ZCWPW2: variants seen among roughly 807,000 people sequenced by gnomAD.
ZCWPW2 encodes the protein zinc finger CW-type PWWP domain protein 2.
In ZCWPW2, 45 loss-of-function variants were observed where a neutral mutation model predicts 46.6. The observed-to-expected ratio is 0.96, with a 90% CI of 0.76 to 1.24. The LOEUF (loss-of-function observed/expected upper bound fraction) is 1.24. Among genes scored for constraint, ZCWPW2 ranks in the 50% most tolerant of loss-of-function variants. The pLI is 0.00. For missense variants in ZCWPW2, 429 were observed against 403.9 expected, an observed-to-expected ratio of 1.06 and a Z score of -0.53; for synonymous variants, 152 against 137.1, an observed-to-expected ratio of 1.11 and a Z score of -0.76.
chr3:28,461,542 C>T (rs888486895), intron 4 of ZCWPW2: 2 of 152,034 alleles, frequency 1.3e-5, no homozygotes, highest in Non-Finnish European at 2.9e-5. Context: ...AGAGGCTAAT[C>T]ACATAATTCA....
chr3:28,444,148 C>A (rs1221491171), intron 4 of ZCWPW2, among the ~76,000 whole-genome samples: 1 of 152,158 alleles, frequency 6.6e-6, no homozygotes, highest in Non-Finnish European at 1.5e-5. Flanking sequence ...TTATCCCACA[C>A]CCTTAATATT....
At chr3:28,391,467 A>T (rs1695488225) in intron 2 of ZCWPW2, among the ~76,000 whole-genome samples, 1 of 152,110 alleles carries the variant, frequency 6.6e-6, no homozygotes, top group African/African-American at 2.4e-5. Context: ...AATTAACAAC[A>T]TCCAGCAATG....
chr3:28,428,612 C>A (rs370612323), intron 3 of ZCWPW2, among the ~76,000 whole-genome samples: 5 of 152,248 alleles, frequency 3.3e-5, no homozygotes, highest in African/African-American at 9.6e-5. Context: ...AGTAATGACA[C>A]AATTTGGCTC....
At chr3:28,357,797 T>TTATATATATATATATA (rs3068920) in intron 1 of ZCWPW2, among the ~76,000 whole-genome samples, 86 of 140,394 alleles carry the variant, frequency 6.1e-4, no homozygotes, top group African/African-American at 1.9e-3. Context: ...TTGGTATATT[T>TTATATATATATATATA]TATATATATA....
At chr3:28,460,984 C>A (rs1372403764) in intron 4 of ZCWPW2, 2 of 270,790 alleles carry the variant, frequency 7.4e-6, no homozygotes, top group African/African-American at 4.4e-5. Flanking sequence ...AGATCTATGA[C>A]TTATATCCAC....
intron 6 of ZCWPW2, among the ~76,000 whole-genome samples, chr3:28,505,387 G>A (rs1700249016): frequency 6.6e-6 from 1 of 152,120 alleles, no homozygotes; most frequent in Non-Finnish European, 1.5e-5. Flanking sequence ...GGAGCATGTA[G>A]CAATTGATGA....
chr3:28,386,927 A>T (rs1242075553), intron 1 of ZCWPW2, among the ~76,000 whole-genome samples: 1 of 152,142 alleles, frequency 6.6e-6, no homozygotes, highest in East Asian at 1.9e-4. Flanking sequence ...GAGAAGGAGA[A>T]TTGGTGGGGC....
chr3:28,456,945 A>G (rs1277423106), intron 4 of ZCWPW2, among the ~76,000 whole-genome samples: 1 of 151,954 alleles, frequency 6.6e-6, no homozygotes, highest in South Asian at 2.1e-4. Context: ...TTTTTGTTGT[A>G]TCTATACCAG....
intron 1 of ZCWPW2, among the ~76,000 whole-genome samples, chr3:28,376,969 T>C (rs893700155): frequency 7.2e-5 from 11 of 152,150 alleles, no homozygotes; most frequent in Non-Finnish European, 1.2e-4. Flanking sequence ...AGTTTTGAGG[T>C]TGAAATTATA....
At chr3:28,509,489 T>G (rs1172660482) in intron 6 of ZCWPW2, among the ~76,000 whole-genome samples, 1 of 152,140 alleles carries the variant, frequency 6.6e-6, no homozygotes, top group African/African-American at 2.4e-5. Context: ...TGTGAACACT[T>G]GTCATTGTCT....
At chr3:28,495,226 C>T (rs554379984) in intron 6 of ZCWPW2, among the ~76,000 whole-genome samples, 1 of 152,236 alleles carries the variant, frequency 6.6e-6, no homozygotes, top group Admixed American at 6.6e-5. Flanking sequence ...TGGCTTTTCA[C>T]TGGCTGAATA....
chr3:28,510,967 A>G (rs539426808), intron 6 of ZCWPW2: 25 of 433,064 alleles, frequency 5.8e-5, no homozygotes, highest in Admixed American at 1.0e-4. Context: ...AACCAGATTG[A>G]GTCTCTACCA....
intron 2 of ZCWPW2, among the ~76,000 whole-genome samples, chr3:28,406,213 C>T (rs545169433): frequency 1.3e-5 from 2 of 152,294 alleles, no homozygotes; most frequent in Non-Finnish European, 2.9e-5. Context: ...TTGGAAACTT[C>T]TCAGCCTACA....
At chr3:28,496,307 C>G in intron 6 of ZCWPW2, among the ~76,000 whole-genome samples, 1 of 152,072 alleles carries the variant, frequency 6.6e-6, no homozygotes, top group South Asian at 2.1e-4. Context: ...ATTGATTTCA[C>G]TGAATTTTTA....
At chr3:28,375,715 T>C (rs1260824611) in intron 1 of ZCWPW2, among the ~76,000 whole-genome samples, 2 of 149,934 alleles carry the variant, frequency 1.3e-5, no homozygotes, top group South Asian at 2.1e-4. Flanking sequence ...TGCTGTCAAA[T>C]AGTAGGTCTT....
At chr3:28,435,835 T>G (rs1303421068) in intron 4 of ZCWPW2, among the ~76,000 whole-genome samples, 1 of 152,114 alleles carries the variant, frequency 6.6e-6, no homozygotes, top group Non-Finnish European at 1.5e-5. Flanking sequence ...ACTGAAGACT[T>G]TATGTGATTG....
chr3:28,398,087 C>T (rs2125724763), intron 2 of ZCWPW2: 1 of 152,322 alleles, frequency 6.6e-6, no homozygotes, highest in East Asian at 1.9e-4. Context: ...TGGGTGGCTT[C>T]AACAACAAAC....
chr3:28,429,189 C>T lies in ZCWPW2; in HGVS notation c.333-5921C>T, dbSNP rs544093742. 1.6e-4 allele frequency among the ~76,000 whole-genome samples: 25 copies of T among 152,196 alleles called. No individual in the cohort carries two copies. In the East Asian group the frequency reaches 2.9e-3, roughly 18 times the overall value. On this transcript the variant is annotated intron_variant, in intron 3 of 9. Coordinates refer to ENST00000383768, the MANE Select transcript of ZCWPW2 (RefSeq NM_001040432.4). ...ACCAAAATGCTGATAGTGATATGGA[C>T]GATGAAGTCCAGGCTGAGGTGGTCT...
At chr3:28,498,269 G>A (rs1700050516) in intron 6 of ZCWPW2, among the ~76,000 whole-genome samples, 1 of 141,714 alleles carries the variant, frequency 7.1e-6, no homozygotes, top group Non-Finnish European at 1.6e-5. Flanking sequence ...GTGTGTGTGT[G>A]TGTATTCAGG....
Sources: allele counts gnomAD v4.1 joint callset (sites outside exome capture counted in the v4.1 genomes callset), GRCh38; gene constraint gnomAD v4.1.1; transcripts MANE v1.5; gene names NCBI Gene and HGNC (gene_info 2026-07-23, HGNC 2026-07-21).